Variants in MAGEA6 observed in about 807,000 individuals in gnomAD.
MAGEA6 encodes the protein MAGE family member A6, also known as melanoma-associated antigen 6.
For missense variants in MAGEA6, 281 were observed against 231.4 expected, an observed-to-expected ratio of 1.21 and a Z score of -1.39; for synonymous variants, 100 against 98.8, an observed-to-expected ratio of 1.01 and a Z score of -0.07.
Position 152,766,649 on chromosome X carries a change from A to C in MAGEA6, c.*57T>G. The stretch of plus-strand genomic sequence containing the variant: ...TGGAAACTAAGGGATGGGGCCCCGG[A>C]AGGTGCACTGGCCCAAACCCCCTCC... On this transcript the variant is annotated 3_prime_UTR_variant, in exon 3 of 3. Transcript: ENST00000329342. 8.6e-7 allele frequency: 1 copy of C among 1,157,545 alleles called. No homozygotes were observed. Among genetic ancestry groups the C allele is most frequent in the Non-Finnish European group, 1.2e-6 (1 of 861,408 alleles).
rs186907646 is a variant in MAGEA6, at chrX:152,767,024, G to T, written c.627C>A (p.Ile209=). 2 of 1,210,591 alleles carry T rather than the reference G, an allele frequency of 1.7e-6. No homozygotes were observed. The highest frequency in any genetic ancestry group is 3.0e-5 in the East Asian group (1 of 33,779). Residue 209 remains isoleucine, a synonymous_variant, in exon 3 of 3, where the codon ATC becomes ATA. Transcript: ENST00000329342. ...CAGGGGCACAGTCGCCCTCTTTTGC[G>T]ATTATGGCCAGGATGATTATCAGGA... The part of the protein sequence containing the change: ...TGFLIIILAI[I]AKEGDCAPEE...
chrX:152,767,092 C>G lies in MAGEA6; in HGVS notation c.559G>C (p.Asp187His). 1.7e-6 allele frequency: 2 copies of G among 1,210,788 alleles called. No homozygotes were observed. Among genetic ancestry groups the G allele is most frequent in the South Asian group, 1.8e-5 (1 of 56,900 alleles). Residue 187 changes from aspartate to histidine, a missense_variant, in exon 3 of 3, where the codon GAT becomes CAT. Coordinates refer to ENST00000329342, the MANE Select transcript of MAGEA6 (RefSeq NM_005363.5). ...ATCTGATTGTCACCCAGCAGGCCAT[C>G]GTAGGAGAGGCCCAGGCAGGTGGCA... ...IFATCLGLSYDGLLGDNQIMP... is the reference protein window; with the variant it reads ...IFATCLGLSYHGLLGDNQIMP...
chrX:152,767,301 A>G lies in MAGEA6; in HGVS notation c.350T>C (p.Val117Ala). Reference protein sequence around the residue: ...AALSRKVAKLVHFLLLKYRAR... With the variant: ...AALSRKVAKLAHFLLLKYRAR... ...TCGATACTTGAGGAGCAGAAAATGAACCAACTTGGCCACCTTCCTACTGAG... is the reference window on the plus strand; with the variant it reads ...TCGATACTTGAGGAGCAGAAAATGAGCCAACTTGGCCACCTTCCTACTGAG... The change falls in exon 3 of 3, where the codon GTT (valine) becomes GCT (alanine). Residue 117 changes from valine (V) to alanine (A), a missense_variant. Val to Ala is a moderately conservative substitution (Grantham distance 64). Coordinates refer to ENST00000329342, the MANE Select transcript of MAGEA6 (RefSeq NM_005363.5). 8.3e-7 allele frequency: 1 copy of G among 1,210,561 alleles called. No individual in the cohort carries two copies. Among genetic ancestry groups the G allele is most frequent in the African/African-American group, 1.7e-5 (1 of 57,696 alleles).
Position 152,766,318 on chromosome X carries a change from A to T in MAGEA6, c.*388T>A, listed in dbSNP as rs1556827528. ...TTATTGCTAATTCGCTCACAATTTT[A>T]AGCAAATACTTTTACCACTGCTATT... is the stretch of plus-strand genomic sequence containing the variant. On this transcript the variant is annotated 3_prime_UTR_variant, in exon 3 of 3. Coordinates refer to ENST00000329342, the MANE Select transcript of MAGEA6 (RefSeq NM_005363.5). The T allele has an allele frequency of 1.5e-4, 35 of 228,106 alleles. No homozygotes were observed. The East Asian group carries it at 3.6e-3, about 24-fold the overall frequency. 18.8% of individuals were successfully genotyped at this position (228,106 alleles called of 1,213,427 possible).
Position 152,767,331 on chromosome X carries a change from G to C in MAGEA6, c.320C>G (p.Ala107Gly). The part of the protein sequence containing the change: ...TFPDLESEFQ[A>G]ALSRKVAKLV... ...CTTGGCCACCTTCCTACTGAGTGCT[G>C]CTTGGAACTCAGACTCCAGGTCAGG... The change falls in exon 3 of 3, where the codon GCA becomes GGA. Residue 107 changes from alanine to glycine, a missense_variant. By Grantham distance (60) the Ala-to-Gly change is moderately conservative. Transcript: ENST00000329342. 1 of 1,210,362 alleles carries C rather than the reference G, an allele frequency of 8.3e-7. No homozygotes were observed.
Position 152,767,243 on chromosome X carries a change from C to T in MAGEA6, c.408G>A (p.Leu136=), listed in dbSNP as rs782491745. Residue 136 remains leucine, a synonymous_variant, in exon 3 of 3, where the codon CTG becomes CTA. Coordinates refer to ENST00000329342, the MANE Select transcript of MAGEA6 (RefSeq NM_005363.5). ...ACTGCCAATTTCCGACGACACTCCC[C>T]AGCATTTCTGCCTTTGTGACCGGCT... ...AREPVTKAEM[L]GSVVGNWQYF... 24 of 1,208,701 alleles carry T rather than the reference C, an allele frequency of 2.0e-5. No individual in the cohort carries two copies. The African/African-American group carries it at 3.9e-4, about 19-fold the overall frequency.
rs71213383 is a variant in MAGEA6, at chrX:152,766,665, A to G, written c.*41T>C. 3,086 of 1,183,581 alleles carry G rather than the reference A, an allele frequency of 2.6e-3. 14 individuals carry two copies. Among genetic ancestry groups the G allele is most frequent in the East Asian group, 9.1e-3 (305 of 33,505 alleles). On this transcript the variant is annotated 3_prime_UTR_variant, in exon 3 of 3. Coordinates refer to ENST00000329342, the MANE Select transcript of MAGEA6 (RefSeq NM_005363.5). ...GGGCCCCGGAAGGTGCACTGGCCCA[A>G]ACCCCCTCCCACTGGCCCTGGCTGC...
intron 1 of MAGEA6, 91 bp from the exon 2 acceptor site, chrX:152,767,952 C>T (rs1249953412): frequency 0.015 from 2,276 of 153,983 alleles, 66 homozygotes; most frequent in African/African-American, 0.066. Flanking sequence ...TGAGGCCAGG[C>T]GCTCTGGAGT....
rs1261472084 is a variant in MAGEA6 at position 152,766,248 on chromosome X, G to A, written c.*458C>T. 8.2e-5 allele frequency: 9 copies of A among 110,257 alleles called. No individual in the cohort carries two copies. The Admixed American group carries it at 1.1e-3, about 14-fold the overall frequency. The allele number at this position is 110,257 out of a possible 1,213,427, so 9.1% of individuals were successfully genotyped here. On this transcript the variant is annotated 3_prime_UTR_variant, in exon 3 of 3. Coordinates refer to ENST00000329342, the MANE Select transcript of MAGEA6 (RefSeq NM_005363.5). ...TTTACAGAATAGATTGAGGTACAAG[G>A]CAAGAATCAACTATCTTTTGATTTC...
chrX:152,767,359 A>T lies in MAGEA6; in HGVS notation c.292T>A (p.Phe98Ile). 2 of 1,209,302 alleles carry T rather than the reference A, an allele frequency of 1.7e-6. No individual in the cohort carries two copies. Among genetic ancestry groups the T allele is most frequent in the African/African-American group, 1.7e-5 (1 of 57,392 alleles). Reference protein sequence around the residue: ...SNQEEEGPSTFPDLESEFQAA... With the variant: ...SNQEEEGPSTIPDLESEFQAA... ...TGGAACTCAGACTCCAGGTCAGGGA[A>T]GGTGCTTGGCCCCTCCTCTTCTTGG... The change falls in exon 3 of 3, where the codon TTC becomes ATC. Residue 98 changes from phenylalanine (F) to isoleucine (I), a missense_variant. By Grantham distance (21) the Phe-to-Ile change is conservative. Coordinates refer to ENST00000329342, the MANE Select transcript of MAGEA6 (RefSeq NM_005363.5).
Position 152,767,399 on chromosome X carries a change from A to C in MAGEA6, c.252T>G (p.Tyr84Ter). Reference protein sequence around the residue: ...TMNYPLWSQSYEDSSNQEEEG... With the variant: ...TMNYPLWSQS ...CCTCTTCTTGGTTGCTGGAGTCCTC[A>C]TAGGATTGGCTCCAGAGAGGGTAGT... The change falls in exon 3 of 3, where the codon TAT (tyrosine) becomes TAG (stop). Residue 84 changes from tyrosine to a stop codon, truncating the protein, a stop_gained. Coordinates refer to ENST00000329342, the MANE Select transcript of MAGEA6 (RefSeq NM_005363.5). LOFTEE classifies it low-confidence loss of function (END_TRUNC). The C allele has an allele frequency of 8.3e-7, 1 of 1,205,722 alleles. No homozygotes were observed. The highest frequency in any genetic ancestry group is 1.1e-6 in the Non-Finnish European group (1 of 893,066).
In MAGEA6 at chrX:152,766,799, C is replaced by A. The variant is rs1556827134; in HGVS notation, c.852G>T (p.Val284=). 5.8e-6 allele frequency: 7 copies of A among 1,209,082 alleles called. No homozygotes were observed. The African/African-American group carries it at 1.2e-4, about 21-fold the overall frequency. The change falls in exon 3 of 3, where the codon GTG becomes GTT. Residue 284 remains valine (V), a synonymous_variant. Transcript: ENST00000329342. ...TCTTTACCATATGGTGCAGGACTTT[C>A]ACATAGCTGGTTTCAATGAGGGCCC... ...GPRALIETSY[V]KVLHHMVKIS...
In MAGEA6 at chrX:152,766,765, C is replaced by T; in HGVS notation, c.886G>A (p.Gly296Arg). 8.3e-7 allele frequency: 1 copy of T among 1,210,775 alleles called. No homozygotes were observed. The highest frequency in any genetic ancestry group is 1.1e-6 in the Non-Finnish European group (1 of 894,760). Residue 296 changes from glycine (G) to arginine (R), a missense_variant, in exon 3 of 3, where the codon GGA (glycine) becomes AGA (arginine). Gly to Arg is a moderately radical substitution (Grantham distance 125). Coordinates refer to ENST00000329342, the MANE Select transcript of MAGEA6 (RefSeq NM_005363.5). ...VLHHMVKISG[G>R]PRISYPLLHE... The stretch of plus-strand genomic sequence containing the variant: ...AGGAGTGGGTAGGAAATGCGAGGTC[C>T]TCCACTGATCTTTACCATATGGTGC...
chrX:152,767,294 A>G lies in MAGEA6; in HGVS notation c.357T>C (p.Phe119=). ...CCCTGGCTCGATACTTGAGGAGCAG[A>G]AAATGAACCAACTTGGCCACCTTCC... ...LSRKVAKLVH[F]LLLKYRAREP... is the part of the protein sequence containing the mutation. The change falls in exon 3 of 3, where the codon TTT becomes TTC. Residue 119 remains phenylalanine (F), a synonymous_variant. Coordinates refer to ENST00000329342, the MANE Select transcript of MAGEA6 (RefSeq NM_005363.5). 8.3e-7 allele frequency: 1 copy of G among 1,210,716 alleles called. No individual in the cohort carries two copies. Among genetic ancestry groups the G allele is most frequent in the Non-Finnish European group, 1.1e-6 (1 of 894,703 alleles).
At position 152,767,221 on chromosome X, in the gene MAGEA6, G is replaced by T; in HGVS notation, c.430C>A (p.Gln144Lys). 2 of 1,210,484 alleles carry T rather than the reference G, an allele frequency of 1.7e-6. No homozygotes were observed. Among genetic ancestry groups the T allele is most frequent in the Non-Finnish European group, 2.2e-6 (2 of 894,638 alleles). Residue 144 changes from glutamine to lysine, a missense_variant, in exon 3 of 3, where the codon CAG (glutamine) becomes AAG (lysine). Gln to Lys is a moderately conservative substitution (Grantham distance 53). Transcript: ENST00000329342. ...EMLGSVVGNW[Q>K]YFFPVIFSKA... ...CTGAAGATCACAGGAAAGAAGTACT[G>T]CCAATTTCCGACGACACTCCCCAGC...
intron 1 of MAGEA6, among the ~76,000 whole-genome samples, chrX:152,768,361 C>T (rs1556837239): frequency 1.6e-5 from 1 of 63,316 alleles, no homozygotes; most frequent in African/African-American, 4.6e-5. Flanking sequence ...AGGGGACCCA[C>T]ATCTGGCCAT....
At position 152,767,144 on chromosome X, in the gene MAGEA6, C is replaced by T; in HGVS notation, c.507G>A (p.Val169=). The T allele has an allele frequency of 8.3e-7, 1 of 1,210,998 alleles. No individual in the cohort carries two copies. Among genetic ancestry groups the T allele is most frequent in the Non-Finnish European group, 1.1e-6 (1 of 894,800 alleles). ...QLVFGIELME[V]DPIGHVYIFA... ...AGATGTACACGTGGCCGATGGGGTC[C>T]ACTTCCATCAGCTCGATGCCAAAGA... is the stretch of plus-strand genomic sequence containing the variant. Residue 169 remains valine, a synonymous_variant, in exon 3 of 3, where the codon GTG becomes GTA. Coordinates refer to ENST00000329342, the MANE Select transcript of MAGEA6 (RefSeq NM_005363.5).
rs1375591122 is a variant in MAGEA6, at chrX:152,766,582, G to C, written c.*124C>G. The stretch of plus-strand genomic sequence containing the variant: ...CCACTACTAAGAATGCTGACTGCTC[G>C]CTTCAAAGAGTGAAGAATGGGCCTC... On this transcript the variant is annotated 3_prime_UTR_variant, in exon 3 of 3. Transcript: ENST00000329342. 22 of 656,703 alleles carry C rather than the reference G, an allele frequency of 3.4e-5. No homozygotes were observed. The highest frequency in any genetic ancestry group is 5.0e-5 in the Non-Finnish European group (21 of 424,191). The allele number at this position is 656,703 out of a possible 1,213,427, so 54.1% of individuals were successfully genotyped here. A position where few individuals can be genotyped will look rare whatever the true frequency, so the allele number is the denominator to read the frequency against.
Position 152,766,642 on chromosome X carries a change from G to A in MAGEA6, c.*64C>T. ...GAGGCAGTGGAAACTAAGGGATGGGGCCCCGGAAGGTGCACTGGCCCAAAC... is the reference window on the plus strand; with the variant it reads ...GAGGCAGTGGAAACTAAGGGATGGGACCCCGGAAGGTGCACTGGCCCAAAC... On this transcript the variant is annotated 3_prime_UTR_variant, in exon 3 of 3. Coordinates refer to ENST00000329342, the MANE Select transcript of MAGEA6 (RefSeq NM_005363.5). 1 of 1,143,032 alleles carries A rather than the reference G, an allele frequency of 8.7e-7. No homozygotes were observed. Among genetic ancestry groups the A allele is most frequent in the South Asian group, 2.0e-5 (1 of 49,294 alleles). 94.2% of individuals were successfully genotyped at this position (1,143,032 alleles called of 1,213,427 possible). A position where few individuals can be genotyped will look rare whatever the true frequency, so the allele number is the denominator to read the frequency against.
Sources: gnomAD v4.1 joint callset for allele counts (sites outside exome capture counted in the v4.1 genomes callset) on GRCh38, gnomAD v4.1.1 for gene constraint, MANE v1.5 for transcripts, NCBI Gene and HGNC (gene_info 2026-07-23, HGNC 2026-07-21) for gene names.